The following FGF14 variants were observed in gnomAD, a reference collection of about 807,000 sequenced individuals.
The protein encoded by FGF14 is fibroblast growth factor 14.
A neutral mutation model predicts 25.5 loss-of-function variants in FGF14; 5 were observed. That is an observed-to-expected ratio of 0.20 (90% confidence interval 0.10 to 0.41). The LOEUF is 0.41. FGF14 is among the 10% of genes least tolerant of loss of function. The pLI, the probability that FGF14 is intolerant of heterozygous loss-of-function variation, is 1.00. For missense variants in FGF14, 222 were observed against 320.1 expected (o/e 0.69, Z 2.34); for synonymous variants, 138 against 118.3 (o/e 1.17, Z -1.08).
chr13:101,945,959 C>A (rs553897378), intron 1 of FGF14, among the ~76,000 whole-genome samples: 93 of 152,142 alleles, frequency 6.1e-4, no homozygotes, highest in African/African-American at 2.2e-3. Flanking sequence ...TTCTGTCTCC[C>A]ATCCCTACAC....
intron 1 of FGF14, among the ~76,000 whole-genome samples, chr13:101,900,585 G>T (rs964148454): frequency 1.3e-5 from 2 of 152,114 alleles, no homozygotes; most frequent in African/African-American, 2.4e-5. Context: ...TAAAGTACAT[G>T]CTGCATAACA....
intron 1 of FGF14, among the ~76,000 whole-genome samples, chr13:101,944,218 G>A (rs1195201652): frequency 6.6e-6 from 1 of 152,134 alleles, no homozygotes; most frequent in Non-Finnish European, 1.5e-5. Flanking sequence ...TTAGAAAAGA[G>A]GAATGGATAG....
chr13:102,396,381 T>A (rs374886755), intron 1 of FGF14, among the ~76,000 whole-genome samples: 88 of 152,344 alleles, frequency 5.8e-4, no homozygotes, highest in African/African-American at 2.0e-3. Context: ...CTATTTTGAA[T>A]AAATGCTTCC....
intron 1 of FGF14, among the ~76,000 whole-genome samples, chr13:102,352,534 C>T (rs1191018962): frequency 6.6e-6 from 1 of 152,088 alleles, no homozygotes; most frequent in Non-Finnish European, 1.5e-5. Context: ...AGATATTGGC[C>T]GGGCGCGGTG....
intron 1 of FGF14, among the ~76,000 whole-genome samples, chr13:101,995,428 T>A (rs2039127341): frequency 6.6e-6 from 1 of 152,160 alleles, no homozygotes; most frequent in Admixed American, 6.5e-5. Context: ...TCAGCTTTGA[T>A]GAAACAGGAG....
chr13:102,194,449 C>T lies in FGF14; in HGVS notation c.208+207022G>A, dbSNP rs138425009. Among the ~76,000 whole-genome samples, 167 of 151,982 alleles carry T rather than the reference C, an allele frequency of 1.1e-3. 1 individual carries two copies. The highest frequency in any genetic ancestry group is 3.8e-3 in the African/African-American group (159 of 41,462). ...TCCCTCCCACTGCCCCCCTGACAGG[C>T]CCCATTGTGTGTTGTTCCCCTGCTA... On this transcript the variant is annotated intron_variant, in intron 1 of 4. Coordinates refer to the FGF14 transcript ENST00000376131.
intron 1 of FGF14, among the ~76,000 whole-genome samples, chr13:102,287,626 TTTAA>T (rs1379581661): frequency 1.4e-4 from 22 of 152,338 alleles, no homozygotes; most frequent in Admixed American, 7.2e-4. Flanking sequence ...ATACTGAATG[TTTAA>T]TTTTTAAATG....
intron 1 of FGF14, among the ~76,000 whole-genome samples, chr13:101,959,720 C>G (rs1216769540): frequency 2.0e-5 from 3 of 152,158 alleles, no homozygotes; most frequent in African/African-American, 7.2e-5. Context: ...TTTGTTCATA[C>G]TCTATTTGAC....
intron 1 of FGF14, among the ~76,000 whole-genome samples, chr13:102,373,989 T>C (rs1380382620): frequency 1.3e-5 from 2 of 152,018 alleles, no homozygotes; most frequent in African/African-American, 2.4e-5. Context: ...ACAGCAAAAG[T>C]TGAGAACAAC....
intron 1 of FGF14, among the ~76,000 whole-genome samples, chr13:101,965,811 G>A (rs1229832795): frequency 6.6e-6 from 1 of 152,010 alleles, no homozygotes; most frequent in African/African-American, 2.4e-5. Flanking sequence ...TTAAGGAACT[G>A]ACTTAACCCC....
At chr13:101,936,674 G>A (rs1344133521) in intron 1 of FGF14, among the ~76,000 whole-genome samples, 5 of 152,252 alleles carry the variant, frequency 3.3e-5, no homozygotes, top group African/African-American at 1.2e-4. Flanking sequence ...TCTTCCTAAA[G>A]TTCTCTTATT....
At chr13:101,791,895 G>C (rs2040255629) in intron 3 of FGF14, among the ~76,000 whole-genome samples, 1 of 152,040 alleles carries the variant, frequency 6.6e-6, no homozygotes, top group Non-Finnish European at 1.5e-5. Context: ...TGACAAGCTG[G>C]ATGTGTTTAT....
intron 1 of FGF14, among the ~76,000 whole-genome samples, chr13:102,211,582 A>G (rs1260754805): frequency 6.6e-6 from 1 of 152,230 alleles, no homozygotes. Context: ...TGCTTAGTAC[A>G]TCTTTTGCTA....
chr13:102,179,044 A>C (rs1206303737), intron 1 of FGF14, among the ~76,000 whole-genome samples: 1 of 152,110 alleles, frequency 6.6e-6, no homozygotes, highest in African/African-American at 2.4e-5. Flanking sequence ...TGAAAACTAA[A>C]AGTAATGTCA....
In FGF14 at chr13:102,187,150, C is replaced by T. The variant is rs144738425; in HGVS notation, c.208+214321G>A. Among the ~76,000 whole-genome samples the T allele has an allele frequency of 2.4e-4, 37 of 152,342 alleles. No homozygotes were observed. In the East Asian group the frequency reaches 6.6e-3, roughly 27 times the overall value. ...ATTAACTCAAGATAAATAAATAGCACTGCCTCCGTCTAATCAGATTATTAA... is the reference window on the plus strand; with the variant it reads ...ATTAACTCAAGATAAATAAATAGCATTGCCTCCGTCTAATCAGATTATTAA... On this transcript the variant is annotated intron_variant, in intron 1 of 4. Transcript: ENST00000376131.
At chr13:101,931,636 C>G (rs1015804977) in intron 1 of FGF14, among the ~76,000 whole-genome samples, 2 of 152,168 alleles carry the variant, frequency 1.3e-5, no homozygotes, top group Admixed American at 6.5e-5. Context: ...CCCACAGAAG[C>G]AATTCAATGA....
chr13:102,235,623 T>C (rs2051293680), intron 1 of FGF14, among the ~76,000 whole-genome samples: 1 of 152,046 alleles, frequency 6.6e-6, no homozygotes, highest in African/African-American at 2.4e-5. Flanking sequence ...GGGAAGAAAA[T>C]TTGTTTATTT....
At chr13:102,263,132 G>A (rs1305831602) in intron 1 of FGF14, 19 of 614,116 alleles carry the variant, frequency 3.1e-5, no homozygotes, top group South Asian at 2.5e-4. Context: ...CTGGGGAATG[G>A]GATGATTTTG....
At chr13:102,250,761 T>C (rs573364432) in intron 1 of FGF14, among the ~76,000 whole-genome samples, 4 of 152,304 alleles carry the variant, frequency 2.6e-5, no homozygotes, top group Admixed American at 2.0e-4. Flanking sequence ...TTAAACAGAG[T>C]TTGAAAAGCA....
Sources: gnomAD v4.1 joint callset for allele counts (sites outside exome capture counted in the v4.1 genomes callset) on GRCh38, gnomAD v4.1.1 for gene constraint, MANE v1.5 for transcripts, NCBI Gene and HGNC (gene_info 2026-07-23, HGNC 2026-07-21) for gene names.